The following TUB variants were observed in gnomAD, a reference collection of about 807,000 sequenced individuals.
TUB encodes the protein TUB bipartite transcription factor.
In TUB, 33 loss-of-function variants were observed where a neutral mutation model predicts 59.7. The ratio of observed to expected loss-of-function variants is 0.55; its 90% confidence interval spans 0.42 to 0.74. TUB has a LOEUF of 0.74. Among genes scored for constraint, TUB ranks in the 30% least tolerant of loss-of-function variants. The probability of loss-of-function intolerance (pLI) is 0.00; values close to 1 mark genes in which losing one functional copy is unlikely to be tolerated. For synonymous variants in TUB, 293 were observed against 256.4 expected (o/e 1.14, Z -1.36); for missense variants, 659 against 672.0 (o/e 0.98, Z 0.21).
At chr11:8,087,946 T>C (rs1379979072) in intron 1 of TUB, among the ~76,000 whole-genome samples, 1 of 152,248 alleles carries the variant, frequency 6.6e-6, no homozygotes, top group Non-Finnish European at 1.5e-5. Context: ...GGTTGCATCC[T>C]GTGGTCCTGG....
chr11:8,044,345 T>A (rs1476989864), intron 2 of TUB, among the ~76,000 whole-genome samples: 1 of 152,254 alleles, frequency 6.6e-6, no homozygotes, highest in African/African-American at 2.4e-5. Context: ...GTATATATTT[T>A]ATTTTAGATA....
At chr11:8,081,960 T>A (rs1027932006) in intron 1 of TUB, among the ~76,000 whole-genome samples, 1 of 152,226 alleles carries the variant, frequency 6.6e-6, no homozygotes, top group Middle Eastern at 3.2e-3. Flanking sequence ...ACGCTCCTGC[T>A]GGTCGGTTCA....
intron 2 of TUB, among the ~76,000 whole-genome samples, chr11:8,048,906 C>T (rs982460203): frequency 1.3e-5 from 2 of 152,092 alleles, no homozygotes; most frequent in Non-Finnish European, 2.9e-5. Context: ...GCATGCCAGA[C>T]TCTGTATTGT....
intron 1 of TUB, among the ~76,000 whole-genome samples, chr11:8,027,863 T>C (rs1942520547): frequency 6.6e-6 from 1 of 152,238 alleles, no homozygotes; most frequent in African/African-American, 2.4e-5. Flanking sequence ...GGATTGTTTC[T>C]ACCTTTTGGC....
chr11:8,067,059 T>C (rs1943257691), intron 2 of TUB, among the ~76,000 whole-genome samples: 1 of 152,168 alleles, frequency 6.6e-6, no homozygotes, highest in Non-Finnish European at 1.5e-5. Flanking sequence ...CACTCCCGGC[T>C]CCTGATCTGC....
In TUB at chr11:8,081,561, C is replaced by T. The variant is rs1054214174; in HGVS notation, c.38+13C>T. The T allele has an allele frequency of 3.9e-6, 6 of 1,532,238 alleles. No individual in the cohort carries two copies. The highest frequency in any genetic ancestry group is 5.2e-6 in the Non-Finnish European group (6 of 1,144,902). 94.9% of individuals were successfully genotyped at this position (1,532,238 alleles called of 1,614,324 possible). On this transcript the variant is annotated intron_variant, in intron 1 of 11. Transcript: ENST00000299506. ...GGATTCCCTACAGGTACGCGGGCGCCGGGCCGGGGCGCCCACCACTCCCGA... is the reference window on the plus strand; with the variant it reads ...GGATTCCCTACAGGTACGCGGGCGCTGGGCCGGGGCGCCCACCACTCCCGA...
At chr11:8,064,933 AT>A (rs1204237188) in intron 2 of TUB, among the ~76,000 whole-genome samples, 3 of 152,238 alleles carry the variant, frequency 2.0e-5, no homozygotes, top group Non-Finnish European at 2.9e-5. Context: ...ACTCAAAGAT[AT>A]TGTTGGTAGG....
intron 2 of TUB, among the ~76,000 whole-genome samples, chr11:8,058,797 A>G (rs1176501544): frequency 6.6e-6 from 1 of 152,370 alleles, no homozygotes; most frequent in East Asian, 1.9e-4. Flanking sequence ...TTGGCTACAG[A>G]TAAAGAGTTA....
intron 2 of TUB, among the ~76,000 whole-genome samples, chr11:8,072,639 G>C (rs1182036710): frequency 6.6e-6 from 1 of 152,226 alleles, no homozygotes; most frequent in Admixed American, 6.5e-5. Flanking sequence ...AGCATTCACA[G>C]ACACACGTCC....
At chr11:8,022,424 C>T (rs957847521) in intron 1 of TUB, among the ~76,000 whole-genome samples, 1 of 152,164 alleles carries the variant, frequency 6.6e-6, no homozygotes, top group African/African-American at 2.4e-5. Context: ...CTGGTTGCTG[C>T]CCCCATCACA....
In TUB at chr11:8,019,364, G is replaced by A. The variant is rs1308543790; in HGVS notation, c.56+6G>A. 3.2e-6 allele frequency: 4 copies of A among 1,256,574 alleles called. No homozygotes were observed. In the African/African-American group the frequency reaches 6.2e-5, roughly 19 times the overall value. The allele number at this position is 1,256,574 out of a possible 1,614,324, so 77.8% of individuals were successfully genotyped here. A position where few individuals can be genotyped will look rare whatever the true frequency, so the allele number is the denominator to read the frequency against. ...AGCCGCTGGAGCTATGACAGGTAGG[G>A]CGCCCGAAGGGTGGCCCTGCGTGAG... On this transcript the variant is annotated splice_donor_region_variant and intron_variant, in intron 1 of 11. Coordinates refer to the TUB transcript ENST00000534099.
upstream of TUB, among the ~76,000 whole-genome samples, chr11:8,034,507 G>A (rs1858602337): frequency 1.3e-5 from 2 of 152,192 alleles, no homozygotes; most frequent in African/African-American, 2.4e-5. Context: ...ACATGCAGGT[G>A]CGATTTCCCT....
chr11:8,070,641 A>T (rs763009943), intron 2 of TUB, among the ~76,000 whole-genome samples: 2 of 152,210 alleles, frequency 1.3e-5, no homozygotes, highest in African/African-American at 2.4e-5. Context: ...CTTTAAAGAA[A>T]TACAAGTAGT....
At position 8,089,591 on chromosome 11, in the gene TUB, C is replaced by T. The variant is rs1316163226; in HGVS notation, c.39-19C>T. The T allele has an allele frequency of 3.1e-6, 5 of 1,613,896 alleles. No individual in the cohort carries two copies. The African/African-American group carries it at 4.0e-5, about 13-fold the overall frequency. On this transcript the variant is annotated intron_variant, in intron 1 of 11. Transcript: ENST00000299506. ...GCACCTCACGGGCAAGCCCTGAAAA[C>T]CCCTCTTTCGCTCTGCAGTGTCTTA...
intron 2 of TUB, among the ~76,000 whole-genome samples, chr11:8,074,048 G>A (rs1943404831): frequency 6.6e-6 from 1 of 152,122 alleles, no homozygotes; most frequent in African/African-American, 2.4e-5. Context: ...CTAGGCAACT[G>A]AGGATATGTC....
chr11:8,081,202 C>T (rs1218939038), upstream of TUB, among the ~76,000 whole-genome samples: 1 of 151,386 alleles, frequency 6.6e-6, no homozygotes, highest in East Asian at 1.9e-4. Flanking sequence ...GCCGCCGCTG[C>T]CACGCAGTAC....
upstream of TUB, among the ~76,000 whole-genome samples, chr11:8,033,787 C>T (rs111527817): frequency 0.024 from 3,624 of 152,318 alleles, 135 homozygotes; most frequent in African/African-American, 0.082. Flanking sequence ...TAGTGTCAAG[C>T]TGCCTGAAGG....
In TUB at chr11:8,081,527, A is replaced by C. The variant is rs1322288753; in HGVS notation, c.17A>C (p.His6Pro). 1 of 1,551,096 alleles carries C rather than the reference A, an allele frequency of 6.4e-7. No individual in the cohort carries two copies. The highest frequency in any genetic ancestry group is 8.7e-7 in the Non-Finnish European group (1 of 1,154,920). MTSKP[H>P]SDWIPYSVLD... is the part of the protein sequence containing the mutation. The stretch of plus-strand genomic sequence containing the variant: ...CCGAGAGACATGACTTCCAAGCCGC[A>C]TTCCGACTGGATTCCCTACAGGTAC... The change falls in exon 1 of 12, where the codon CAT becomes CCT. Residue 6 changes from histidine to proline, a missense_variant. This residue lies in a region of TUB where 321 missense variants were observed against 304.3 expected (regional missense o/e 1.05). Coordinates refer to ENST00000299506, the MANE Select transcript of TUB (RefSeq NM_177972.3).
At chr11:8,032,087 A>G (rs530312342) in intron 1 of TUB, among the ~76,000 whole-genome samples, 1 of 151,802 alleles carries the variant, frequency 6.6e-6, no homozygotes, top group Non-Finnish European at 1.5e-5. Context: ...AGAGCCTCCC[A>G]CTGCAGGTGA....
Sources: allele counts gnomAD v4.1 joint callset (sites outside exome capture counted in the v4.1 genomes callset), GRCh38; gene constraint gnomAD v4.1.1; regional missense constraint gnomAD v4.1.1; transcripts MANE v1.5; gene names NCBI Gene and HGNC (gene_info 2026-07-23, HGNC 2026-07-21).